Variants in ZNF385D observed in about 807,000 individuals in gnomAD.
ZNF385D encodes zinc finger protein 385D.
ZNF385D carries 15 observed loss-of-function variants against 35.8 expected under a neutral mutation model. That is an observed-to-expected ratio of 0.42 (90% CI 0.28 to 0.64). ZNF385D has a LOEUF of 0.64. Among genes scored for constraint, ZNF385D ranks in the 30% least tolerant of loss-of-function variants. The pLI is 0.23. For missense variants in ZNF385D, 474 were observed against 494.6 expected (o/e 0.96, Z 0.39); for synonymous variants, 212 against 186.8 (o/e 1.13, Z -1.10).
At chr3:21,672,642 T>A (rs2066611641) in intron 1 of ZNF385D, among the ~76,000 whole-genome samples, 1 of 152,212 alleles carries the variant, frequency 6.6e-6, no homozygotes, top group Admixed American at 6.6e-5. Context: ...TGATCTGGGT[T>A]TCCCCTTGTC....
At chr3:21,808,239 T>G (rs2072742007) in intron 3 of ZNF385D, among the ~76,000 whole-genome samples, 1 of 152,188 alleles carries the variant, frequency 6.6e-6, no homozygotes, top group Admixed American at 6.5e-5. Context: ...TTTGAATAAT[T>G]AAATTACATA....
Position 21,743,002 on chromosome 3 carries a change from G to A in ZNF385D, c.22+7893C>T, listed in dbSNP as rs866841012. ...AGTGCTAGGCACTTTTATGTGTATA[G>A]CATATTTTAGTTCTCCAAATAGAAC... On this transcript the variant is annotated intron_variant, in intron 1 of 7. Transcript: ENST00000281523. 3.3e-5 allele frequency among the ~76,000 whole-genome samples: 5 copies of A among 152,164 alleles called. No individual in the cohort carries two copies. In the South Asian group the frequency reaches 1.0e-3, roughly 31 times the overall value.
intron 1 of ZNF385D, among the ~76,000 whole-genome samples, chr3:21,749,519 C>T (rs776696028): frequency 6.6e-6 from 1 of 152,138 alleles, no homozygotes; most frequent in Non-Finnish European, 1.5e-5. Context: ...CAAGCTTTTC[C>T]ATTTATGAAA....
chr3:21,473,233 G>C (rs1271190557), intron 4 of ZNF385D, among the ~76,000 whole-genome samples: 1 of 151,976 alleles, frequency 6.6e-6, no homozygotes, highest in Non-Finnish European at 1.5e-5. Flanking sequence ...CTGCTTGAAG[G>C]TCATGGTCTC....
At chr3:21,930,562 A>G (rs1040638150) in intron 3 of ZNF385D, among the ~76,000 whole-genome samples, 6 of 151,878 alleles carry the variant, frequency 4.0e-5, no homozygotes, top group African/African-American at 1.2e-4. Flanking sequence ...AAGAGAACTT[A>G]TATTTATCAA....
Position 21,731,529 on chromosome 3 carries a change from C to T in ZNF385D, c.22+19366G>A, listed in dbSNP as rs564112463. On this transcript the variant is annotated intron_variant, in intron 1 of 7. Transcript: ENST00000281523. ...ATAACTACCCAGAGTTTATGGAGTACGTTAACATTAAGGTTCACTCTTGGT... is the reference window on the plus strand; with the variant it reads ...ATAACTACCCAGAGTTTATGGAGTATGTTAACATTAAGGTTCACTCTTGGT... Among the ~76,000 whole-genome samples the T allele has an allele frequency of 2.7e-4, 41 of 152,164 alleles. 2 individuals carry two copies. The highest frequency in any genetic ancestry group is 2.2e-3 in the Admixed American group (34 of 15,280).
At chr3:21,744,605 G>A (rs2069674627) in intron 1 of ZNF385D, among the ~76,000 whole-genome samples, 1 of 152,116 alleles carries the variant, frequency 6.6e-6, no homozygotes, top group South Asian at 2.1e-4. Context: ...CAAAGTGAAA[G>A]CTGAAAACTG....
At chr3:21,634,946 T>A (rs975352322) in intron 2 of ZNF385D, among the ~76,000 whole-genome samples, 5 of 152,106 alleles carry the variant, frequency 3.3e-5, no homozygotes, top group Non-Finnish European at 7.4e-5. Context: ...CATATCAGGA[T>A]AACTTGTGTC....
chr3:21,750,393 A>G (rs2070007841), intron 1 of ZNF385D, among the ~76,000 whole-genome samples: 1 of 152,234 alleles, frequency 6.6e-6, no homozygotes, highest in South Asian at 2.1e-4. Flanking sequence ...CACTGAGATG[A>G]TATAGAGAAG....
chr3:21,946,742 G>T (rs113037957), intron 3 of ZNF385D, among the ~76,000 whole-genome samples: 19,983 of 152,132 alleles, frequency 0.13, 1,489 homozygotes, highest in Non-Finnish European at 0.16. Context: ...TGAAGCAGGA[G>T]AAACACTTGA....
At chr3:21,753,789 T>TGTGTG (rs201139989), upstream of ZNF385D, among the ~76,000 whole-genome samples, 61 of 124,726 alleles carry the variant, frequency 4.9e-4, no homozygotes, top group African/African-American at 1.4e-3. Context: ...GTTGTTGTTG[T>TGTGTG]TGTGTGTGTG....
intron 4 of ZNF385D, among the ~76,000 whole-genome samples, chr3:21,472,789 C>A (rs1274428558): frequency 6.6e-6 from 1 of 151,958 alleles, no homozygotes; most frequent in Admixed American, 6.6e-5. Context: ...CAAGCTGTAA[C>A]CAATCGAGTT....
intron 2 of ZNF385D, among the ~76,000 whole-genome samples, chr3:22,198,715 G>C (rs1294251472): frequency 6.6e-6 from 1 of 152,050 alleles, no homozygotes; most frequent in Non-Finnish European, 1.5e-5. Context: ...ATGGCAGGAA[G>C]ACATGGTAAG....
At chr3:22,290,276 A>G (rs1702233351) in intron 2 of ZNF385D, among the ~76,000 whole-genome samples, 1 of 152,130 alleles carries the variant, frequency 6.6e-6, no homozygotes, top group Non-Finnish European at 1.5e-5. Flanking sequence ...CAGCTTTACT[A>G]ACCTATTCAA....
intron 3 of ZNF385D, among the ~76,000 whole-genome samples, chr3:22,090,863 A>G (rs1211412237): frequency 6.6e-6 from 1 of 152,186 alleles, no homozygotes; most frequent in African/African-American, 2.4e-5. Context: ...AAATCTTGTA[A>G]TAACCTCACC....
At chr3:22,114,872 C>T (rs891877407) in intron 3 of ZNF385D, among the ~76,000 whole-genome samples, 1 of 151,856 alleles carries the variant, frequency 6.6e-6, no homozygotes, top group Non-Finnish European at 1.5e-5. Flanking sequence ...CATAAAAGAG[C>T]CTTTACAGGG....
At chr3:21,893,378 G>A (rs1269542308) in intron 3 of ZNF385D, among the ~76,000 whole-genome samples, 1 of 152,224 alleles carries the variant, frequency 6.6e-6, no homozygotes, top group Admixed American at 6.5e-5. Context: ...AAAGTGCCTT[G>A]CACAGACAGC....
chr3:22,285,952 G>T (rs546159557), intron 2 of ZNF385D, among the ~76,000 whole-genome samples: 1 of 152,120 alleles, frequency 6.6e-6, no homozygotes, highest in South Asian at 2.1e-4. Context: ...CAGGTGACCT[G>T]GTCACCTAGG....
intron 4 of ZNF385D, among the ~76,000 whole-genome samples, chr3:21,437,856 A>G (rs1353163025): frequency 6.6e-6 from 1 of 152,168 alleles, no homozygotes; most frequent in African/African-American, 2.4e-5. Flanking sequence ...AGTCTAGCAT[A>G]TCTATTAAAT....
Sources: gnomAD v4.1 joint callset for allele counts (sites outside exome capture counted in the v4.1 genomes callset) on GRCh38, gnomAD v4.1.1 for gene constraint, MANE v1.5 for transcripts, NCBI Gene and HGNC (gene_info 2026-07-23, HGNC 2026-07-21) for gene names.